TRMT1: variants seen among roughly 807,000 people sequenced by gnomAD.
TRMT1 encodes tRNA (guanine(26)-N(2))-dimethyltransferase.
TRMT1 carries 63 observed loss-of-function variants against 75.4 expected under a neutral mutation model. The observed-to-expected ratio is 0.84, with a 90% confidence interval of 0.68 to 1.03. The LOEUF is 1.03. TRMT1 is among the 50% of genes least tolerant of loss of function. TRMT1 has a pLI of 0.00. For synonymous variants in TRMT1, 382 were observed against 358.1 expected, an observed-to-expected ratio of 1.07 and a Z score of -0.75; for missense variants, 870 against 905.3, an observed-to-expected ratio of 0.96 and a Z score of 0.50.
chr19:13,107,985 CTTTTTT>C (rs71168652), intron 12 of TRMT1, 126 bp from the exon 13 acceptor site: 205 of 332,046 alleles, frequency 6.2e-4, no homozygotes, highest in Middle Eastern at 1.9e-3. Context: ...CTTTTCTTTT[CTTTTTT>C]TTTTTTTTTT....
intron 14 of TRMT1, among the ~76,000 whole-genome samples, chr19:13,107,352 C>G (rs968894767): frequency 9.9e-5 from 15 of 151,504 alleles, no homozygotes; most frequent in African/African-American, 3.6e-4. Context: ...GTTGGCCAGG[C>G]TGGTCTTGAA....
chr19:13,106,312 A>C (rs1337870286), intron 14 of TRMT1, among the ~76,000 whole-genome samples: 1 of 151,588 alleles, frequency 6.6e-6, no homozygotes, highest in Non-Finnish European at 1.5e-5. Context: ...GGCTCAAGCG[A>C]TCTTCCCGCC....
chr19:13,116,519 A>G, intron 1 of TRMT1, 88 bp from the exon 2 acceptor site: 1 of 1,378,230 alleles, frequency 7.3e-7, no homozygotes. Flanking sequence ...TGAGGTAGGG[A>G]CTAGGAAAAC....
intron 5 of TRMT1, 48 bp downstream of exon 5, chr19:13,115,231 C>A (rs1014382311): frequency 2.6e-6 from 4 of 1,553,280 alleles, no homozygotes; most frequent in South Asian, 1.2e-5. Flanking sequence ...CAGAATTTGA[C>A]CCCAGGCAGG....
chr19:13,112,110 C>CT (rs2019164639), intron 7 of TRMT1, among the ~76,000 whole-genome samples: 1 of 152,110 alleles, frequency 6.6e-6, no homozygotes, highest in Non-Finnish European at 1.5e-5. Context: ...CTGCCTCAGC[C>CT]TCCTGAGTAG....
At chr19:13,107,522 G>T in intron 14 of TRMT1, 52 bp downstream of exon 14, 1 of 1,542,100 alleles carries the variant, frequency 6.5e-7, no homozygotes, top group South Asian at 1.2e-5. Context: ...ACACACATGT[G>T]CTTCCATGTC....
chr19:13,113,084 C>T (rs2019206528), intron 5 of TRMT1, 73 bp from the exon 6 acceptor site: 12 of 1,167,690 alleles, frequency 1.0e-5, no homozygotes, highest in Non-Finnish European at 1.4e-5. Context: ...CATATTAACT[C>T]GTACAGCACA....
At position 13,107,608 on chromosome 19, in the gene TRMT1, T is replaced by G. The variant is rs2018935610; in HGVS notation, c.1549A>C (p.Ser517Arg). 6.2e-7 allele frequency: 1 copy of G among 1,608,526 alleles called. No homozygotes were observed. Among genetic ancestry groups the G allele is most frequent in the African/African-American group, 1.3e-5 (1 of 74,834 alleles). ...ACACTGAGAATGCGGAACGCTGGGC[T>G]AGTCTCTGATAGTCGCTCCCGTTTC... ...PVKRERLSETSPAFRILSVEP... is the reference protein window; with the variant it reads ...PVKRERLSETRPAFRILSVEP... The change falls in exon 14 of 17, where the codon AGC (serine) becomes CGC (arginine). Residue 517 changes from serine to arginine, a missense_variant. Ser to Arg is a moderately radical substitution (Grantham distance 110, BLOSUM62 -1). Transcript: ENST00000357720.
rs150358822 is a variant in TRMT1, at chr19:13,109,459, G to C, written c.1319C>G (p.Pro440Arg). The change falls in exon 12 of 17, where the codon CCG (proline) becomes CGG (arginine). Residue 440 changes from proline (P) to arginine (R), a missense_variant. Coordinates refer to ENST00000357720, the MANE Select transcript of TRMT1 (RefSeq NM_001136035.4). The stretch of plus-strand genomic sequence containing the variant: ...CAGGGTGTAGTACAGAGGCACGTCC[G>C]GGAGCTCCTGCGATGGGGGACAGGA... ...GVLSVITEEL[P>R]DVPLYYTLDQ... is the part of the protein sequence containing the mutation. 3.8e-5 allele frequency: 61 copies of C among 1,613,736 alleles called. No homozygotes were observed. The African/African-American group carries it at 5.7e-4, about 15-fold the overall frequency.
rs758558211 is a variant in TRMT1, at chr19:13,109,436, G to A, written c.1342C>T (p.Leu448=). Residue 448 remains leucine, a synonymous_variant, in exon 12 of 17, where the codon CTG becomes TTG. Transcript: ENST00000357720. The part of the protein sequence containing the change: ...ELPDVPLYYT[L]DQLSSTIHCN... Reference sequence around the variant, plus strand: ...TGGATGGTGCTGCTCAGCTGGTCCAGGGTGTAGTACAGAGGCACGTCCGGG... The same window carrying A: ...TGGATGGTGCTGCTCAGCTGGTCCAAGGTGTAGTACAGAGGCACGTCCGGG... The A allele has an allele frequency of 3.1e-6, 5 of 1,613,570 alleles. No homozygotes were observed. The highest frequency in any genetic ancestry group is 4.2e-6 in the Non-Finnish European group (5 of 1,180,034).
In TRMT1 at chr19:13,116,173, G is replaced by A. The variant is rs376262188; in HGVS notation, c.227C>T (p.Pro76Leu). The change falls in exon 2 of 17, where the codon CCG becomes CTG. Residue 76 changes from proline (P) to leucine (L), a missense_variant. Coordinates refer to ENST00000357720, the MANE Select transcript of TRMT1 (RefSeq NM_001136035.4). ...FPSANEVFYN[P>L]VQEFNRDLTC... ...CAGGTCCCGATTGAATTCCTGCACC[G>A]GGTTATAAAAGACCTCGTTGGCACT... 124 of 1,613,940 alleles carry A rather than the reference G, an allele frequency of 7.7e-5. No homozygotes were observed. The highest frequency in any genetic ancestry group is 9.9e-5 in the Non-Finnish European group (117 of 1,180,010).
At chr19:13,105,930 C>T (rs1006757052) in intron 14 of TRMT1, among the ~76,000 whole-genome samples, 3 of 152,012 alleles carry the variant, frequency 2.0e-5, no homozygotes, top group Admixed American at 6.5e-5. Context: ...GGCGTGGTGC[C>T]GGGTGCCTGT....
In TRMT1 at chr19:13,116,017, A is replaced by C; in HGVS notation, c.290T>G (p.Leu97Arg). Residue 97 changes from leucine (L) to arginine (R), a missense_variant, in exon 3 of 17, where the codon CTT becomes CGT. By Grantham distance (102) the Leu-to-Arg change is moderately radical (BLOSUM62 -2). Coordinates refer to ENST00000357720, the MANE Select transcript of TRMT1 (RefSeq NM_001136035.4). ...AVITEFARIQ[L>R]GAKGIQIKVP... ...CTCACTCTGGATTCCTTTGGCCCCA[A>C]GCTGAATGCGAGCAAACTCGGTGAT... The C allele has an allele frequency of 6.2e-7, 1 of 1,613,988 alleles. No individual in the cohort carries two copies. The highest frequency in any genetic ancestry group is 8.5e-7 in the Non-Finnish European group (1 of 1,179,994).
rs1417837436 is a variant in TRMT1 at position 13,109,824 on chromosome 19, G to A, written c.1121C>T (p.Ala374Val). 6 of 1,614,036 alleles carry A rather than the reference G, an allele frequency of 3.7e-6. No homozygotes were observed. The highest frequency in any genetic ancestry group is 2.2e-5 in the East Asian group (1 of 44,894). Reference protein sequence around the residue: ...GVPSGRAKFSAACGPPVTPEC... With the variant: ...GVPSGRAKFSVACGPPVTPEC... ...GGGGGTCACAGGGGGACCACAGGCT[G>A]CAGAGAACTTGGCCCTAAACAGAGA... The change falls in exon 10 of 17, where the codon GCA (alanine) becomes GTA (valine). Residue 374 changes from alanine to valine, a missense_variant. Transcript: ENST00000357720.
Position 13,112,743 on chromosome 19 carries a change from C to T in TRMT1, c.832G>A (p.Gly278Arg), listed in dbSNP as rs921698346. The part of the protein sequence containing the change: ...NSGETCYSKY[G>R]AMALKSRACH... ...GCCCGGCTCTTGAGGGCCATGGCCCCGTACTTGCTGTAGCACGTCTCCCCG... is the reference window on the plus strand; with the variant it reads ...GCCCGGCTCTTGAGGGCCATGGCCCTGTACTTGCTGTAGCACGTCTCCCCG... The change falls in exon 7 of 17, where the codon GGG (glycine) becomes AGG (arginine). Residue 278 changes from glycine (G) to arginine (R), a missense_variant. By Grantham distance (125) the Gly-to-Arg change is moderately radical. Coordinates refer to ENST00000357720, the MANE Select transcript of TRMT1 (RefSeq NM_001136035.4). 15 of 1,613,498 alleles carry T rather than the reference C, an allele frequency of 9.3e-6. No individual in the cohort carries two copies. The highest frequency in any genetic ancestry group is 5.5e-5 in the South Asian group (5 of 91,086).
chr19:13,109,470 C>T lies in TRMT1; in HGVS notation c.1312-4G>A, dbSNP rs147799611. ...ACAGAGGCACGTCCGGGAGCTCCTG[C>T]GATGGGGGACAGGATGGGCATGAGT... On this transcript the variant is annotated splice_polypyrimidine_tract_variant and splice_region_variant and intron_variant, in intron 11 of 16. Coordinates refer to ENST00000357720, the MANE Select transcript of TRMT1 (RefSeq NM_001136035.4). 4,569 of 1,613,860 alleles carry T rather than the reference C, an allele frequency of 2.8e-3. 11 individuals are homozygous for T. The highest frequency in any genetic ancestry group is 3.5e-3 in the Non-Finnish European group (4,119 of 1,179,990).
At chr19:13,105,443 T>G (rs1276943553) in intron 15 of TRMT1, 44 bp downstream of exon 15, 1 of 1,613,900 alleles carries the variant, frequency 6.2e-7, no homozygotes, top group African/African-American at 1.3e-5. Context: ...CCTTTACCCC[T>G]TCTTTCCCTG....
chr19:13,116,349 C>T lies in TRMT1; in HGVS notation c.51G>A (p.Val17=). The change falls in exon 2 of 17, where the codon GTG becomes GTA. Residue 17 remains valine, a synonymous_variant. Coordinates refer to ENST00000357720, the MANE Select transcript of TRMT1 (RefSeq NM_001136035.4). ...WLSLTFRSAR[V]LSRARFFEWQ... ...ACTCGAAAAACCGGGCTCTAGAGAG[C>T]ACCCGGGCGGAGCGGAAAGTGAGGC... 2 of 1,613,134 alleles carry T rather than the reference C, an allele frequency of 1.2e-6. No individual in the cohort carries two copies. Among genetic ancestry groups the T allele is most frequent in the Non-Finnish European group, 1.7e-6 (2 of 1,179,656 alleles).
intron 12 of TRMT1, 61 bp downstream of exon 12, chr19:13,109,320 G>A: frequency 1.3e-6 from 2 of 1,591,976 alleles, no homozygotes; most frequent in South Asian, 1.1e-5. Context: ...AGAATCCCTG[G>A]ACTTGCCCCA....
Sources: allele counts gnomAD v4.1 joint callset (sites outside exome capture counted in the v4.1 genomes callset), GRCh38; gene constraint gnomAD v4.1.1; transcripts MANE v1.5; gene names NCBI Gene and HGNC (gene_info 2026-07-23, HGNC 2026-07-21).